The following CSMD1 variants were observed in gnomAD, a reference collection of about 807,000 sequenced individuals.
CSMD1 encodes CUB and Sushi multiple domains 1, also known as CUB and sushi domain-containing protein 1.
Under a neutral mutation model 417.5 loss-of-function variants are expected in CSMD1, and 213 were observed. The observed-to-expected ratio is 0.51, with a 90% confidence interval of 0.46 to 0.57. CSMD1 has a LOEUF of 0.57. Ranked by LOEUF, CSMD1 falls within the 20% of genes least tolerant of loss-of-function variation. The pLI, the probability that CSMD1 is intolerant of heterozygous loss-of-function variation, is 0.00. For missense variants in CSMD1, 6,923 were observed against 4,529.7 expected (o/e 1.53, Z -15.17); for synonymous variants, 2,862 against 1,736.8 (o/e 1.65, Z -16.11).
At position 4,731,877 on chromosome 8, in the gene CSMD1, TCTAA is replaced by T. The variant is rs113573565; in HGVS notation, c.86-94323_86-94320del. Among the ~76,000 whole-genome samples the T allele has an allele frequency of 5.7e-4, 87 of 152,268 alleles. 1 individual carries two copies. The highest frequency in any genetic ancestry group is 1.8e-3 in the African/African-American group (73 of 41,554). ...ATGGGCTTTAGTACTGTATTTTTATTCTAACTGTCTCTTCTAATATTACATTCTT... is the reference window on the plus strand; with the variant it reads ...ATGGGCTTTAGTACTGTATTTTTATTCTGTCTCTTCTAATATTACATTCTT... On this transcript the variant is annotated intron_variant, in intron 1 of 69. Coordinates refer to ENST00000635120, the MANE Select transcript of CSMD1 (RefSeq NM_033225.6).
chr8:3,065,322 G>T (rs993578295), intron 49 of CSMD1, among the ~76,000 whole-genome samples: 1 of 151,460 alleles, frequency 6.6e-6, no homozygotes, highest in African/African-American at 2.4e-5. Flanking sequence ...TAGATAGACA[G>T]ACAGACAACA....
intron 4 of CSMD1, among the ~76,000 whole-genome samples, chr8:4,020,596 T>C (rs542316062): frequency 1.3e-5 from 2 of 152,324 alleles, no homozygotes; most frequent in South Asian, 4.1e-4. Context: ...AATTCTCTTA[T>C]GGTAAGAGAT....
chr8:2,977,058 A>G (rs1486035722), intron 55 of CSMD1, among the ~76,000 whole-genome samples: 1 of 151,958 alleles, frequency 6.6e-6, no homozygotes, highest in African/African-American at 2.4e-5. Flanking sequence ...TTTTTAAAAA[A>G]AAAAAGAAAG....
chr8:4,356,064 T>C (rs1008957628), intron 3 of CSMD1, among the ~76,000 whole-genome samples: 26 of 152,192 alleles, frequency 1.7e-4, no homozygotes, highest in African/African-American at 6.0e-4. Context: ...ACCTGAGCAG[T>C]GTACACTGCA....
At chr8:3,734,583 C>T (rs1796432378) in intron 6 of CSMD1, among the ~76,000 whole-genome samples, 2 of 152,270 alleles carry the variant, frequency 1.3e-5, no homozygotes, top group East Asian at 3.9e-4. Flanking sequence ...TGGTGGCGGG[C>T]ACCTATAATC....
At chr8:3,691,938 T>G (rs1244717167) in intron 7 of CSMD1, among the ~76,000 whole-genome samples, 1 of 152,158 alleles carries the variant, frequency 6.6e-6, no homozygotes, top group Admixed American at 6.5e-5. Flanking sequence ...CAATATTATT[T>G]TAATCAAGAG....
chr8:3,374,658 G>A (rs771482645), intron 18 of CSMD1, among the ~76,000 whole-genome samples: 8 of 152,120 alleles, frequency 5.3e-5, no homozygotes, highest in Non-Finnish European at 8.8e-5. Flanking sequence ...CAAGGTCGGA[G>A]GAAATGCAGA....
chr8:3,506,777 G>A (rs895659003), intron 10 of CSMD1, among the ~76,000 whole-genome samples: 1 of 152,206 alleles, frequency 6.6e-6, no homozygotes, highest in African/African-American at 2.4e-5. Flanking sequence ...ATGGTTGGCA[G>A]TGATTTACTT....
At chr8:3,400,558 A>C (rs1200828980) in intron 15 of CSMD1, among the ~76,000 whole-genome samples, 1 of 152,052 alleles carries the variant, frequency 6.6e-6, no homozygotes, top group Non-Finnish European at 1.5e-5. Flanking sequence ...AAAAGCAAAA[A>C]TTTATGGAAA....
chr8:4,164,607 G>A (rs1055222096), intron 3 of CSMD1, among the ~76,000 whole-genome samples: 2 of 152,064 alleles, frequency 1.3e-5, no homozygotes, highest in Non-Finnish European at 2.9e-5. Context: ...ATTTATTTAG[G>A]TACCTTATTG....
intron 3 of CSMD1, among the ~76,000 whole-genome samples, chr8:4,209,927 T>C (rs915901045): frequency 6.6e-6 from 1 of 152,208 alleles, no homozygotes; most frequent in Non-Finnish European, 1.5e-5. Flanking sequence ...GGTGACCACG[T>C]CTGGGTGTTG....
intron 1 of CSMD1, among the ~76,000 whole-genome samples, chr8:4,852,833 G>T (rs1345704137): frequency 1.3e-5 from 2 of 152,172 alleles, no homozygotes; most frequent in Admixed American, 6.5e-5. Flanking sequence ...TGGAGTGAAG[G>T]TCACCTATGT....
intron 1 of CSMD1, among the ~76,000 whole-genome samples, chr8:4,824,631 G>C (rs182809750): frequency 6.6e-6 from 1 of 152,046 alleles, no homozygotes; most frequent in African/African-American, 2.4e-5. Context: ...ATGTGTGTGC[G>C]AACACACCCA....
At chr8:4,454,820 A>T (rs890245514) in intron 2 of CSMD1, among the ~76,000 whole-genome samples, 1 of 152,210 alleles carries the variant, frequency 6.6e-6, no homozygotes, top group Non-Finnish European at 1.5e-5. Context: ...TATCTCAACC[A>T]TAAGAAGAGC....
Position 3,399,436 on chromosome 8 carries a change from A to G in CSMD1, c.2360T>C (p.Ile787Thr). ...AGAGTGGCCTGGTTTTGCTTCAATT[A>G]TCCATTCACAATGTAAAGAATCCTT... is the stretch of plus-strand genomic sequence containing the variant. ...YYKDSLHCEW[I>T]IEAKPGHSIK... Residue 787 changes from isoleucine to threonine, a missense_variant, in exon 16 of 70, where the codon ATA becomes ACA. Ile to Thr is a moderately conservative substitution (Grantham distance 89, BLOSUM62 -1). Coordinates refer to ENST00000635120, the MANE Select transcript of CSMD1 (RefSeq NM_033225.6). The G allele has an allele frequency of 6.2e-7, 1 of 1,609,218 alleles. No homozygotes were observed. Among genetic ancestry groups the G allele is most frequent in the Non-Finnish European group, 8.5e-7 (1 of 1,177,946 alleles).
At chr8:3,844,816 ATTTTGT>A (rs757869228) in intron 5 of CSMD1, among the ~76,000 whole-genome samples, 11 of 152,162 alleles carry the variant, frequency 7.2e-5, no homozygotes, top group South Asian at 2.1e-4. Context: ...ATCAGAACAG[ATTTTGT>A]TTTTGTTTTT....
At chr8:3,101,865 G>C (rs1485487024) in intron 46 of CSMD1, among the ~76,000 whole-genome samples, 3 of 137,300 alleles carry the variant, frequency 2.2e-5, no homozygotes, top group African/African-American at 8.1e-5. Flanking sequence ...GCAGTGACGT[G>C]ATCTCAGCTC....
intron 61 of CSMD1, among the ~76,000 whole-genome samples, chr8:2,961,848 A>C (rs554274797): frequency 6.6e-6 from 1 of 152,314 alleles, no homozygotes; most frequent in South Asian, 2.1e-4. Context: ...AAATATTTTT[A>C]GTGTAGAGAT....
intron 4 of CSMD1, among the ~76,000 whole-genome samples, chr8:4,028,575 T>C (rs12682221): frequency 0.15 from 22,775 of 152,170 alleles, 2,435 homozygotes; most frequent in East Asian, 0.39. Context: ...AAGGAAATAA[T>C]ATAATGTTAC....
Sources: allele counts gnomAD v4.1 joint callset (sites outside exome capture counted in the v4.1 genomes callset), GRCh38; gene constraint gnomAD v4.1.1; transcripts MANE v1.5; gene names NCBI Gene and HGNC (gene_info 2026-07-23, HGNC 2026-07-21).